AUTS2: variants seen among roughly 807,000 people sequenced by gnomAD.
AUTS2 encodes activator of transcription and developmental regulator AUTS2.
In AUTS2, 17 loss-of-function variants were observed where a neutral mutation model predicts 112.4. That is an observed-to-expected ratio of 0.15 (90% confidence interval 0.10 to 0.23). AUTS2 has a LOEUF of 0.23. Among genes scored for constraint, AUTS2 ranks in the 10% least tolerant of loss-of-function variants. The pLI, the probability that AUTS2 is intolerant of heterozygous loss-of-function variation, is 1.00. For synonymous variants in AUTS2, 751 were observed against 702.7 expected (o/e 1.07, Z -1.09); for missense variants, 1,510 against 1,701.6 (o/e 0.89, Z 1.98).
At chr7:69,901,870 C>T (rs1194792070) in intron 2 of AUTS2, among the ~76,000 whole-genome samples, 1 of 152,176 alleles carries the variant, frequency 6.6e-6, no homozygotes, top group Non-Finnish European at 1.5e-5. Flanking sequence ...CATCTGGTAA[C>T]AGCCCATCTG....
chr7:69,609,694 A>G (rs546202932), intron 1 of AUTS2, among the ~76,000 whole-genome samples: 3 of 152,350 alleles, frequency 2.0e-5, no homozygotes, highest in South Asian at 2.1e-4. Context: ...ACTTTGGAGT[A>G]TAGTGGAGTT....
At chr7:70,351,655 T>C (rs576191284) in intron 4 of AUTS2, among the ~76,000 whole-genome samples, 51 of 152,312 alleles carry the variant, frequency 3.3e-4, no homozygotes, top group Non-Finnish European at 5.7e-4. Flanking sequence ...AAGTACCTTT[T>C]TCTCCACAAC....
intron 2 of AUTS2, among the ~76,000 whole-genome samples, chr7:70,117,388 A>T (rs1805439052): frequency 6.6e-6 from 1 of 151,926 alleles, no homozygotes; most frequent in Non-Finnish European, 1.5e-5. Flanking sequence ...AGAAAACTTT[A>T]TTTTATTTTG....
intron 1 of AUTS2, among the ~76,000 whole-genome samples, chr7:69,840,697 G>C (rs1302673624): frequency 6.6e-6 from 1 of 152,144 alleles, no homozygotes; most frequent in Non-Finnish European, 1.5e-5. Flanking sequence ...GAGACAGACA[G>C]ACACTCTGGG....
chr7:70,588,159 A>C (rs1802769907), intron 5 of AUTS2, among the ~76,000 whole-genome samples: 1 of 152,242 alleles, frequency 6.6e-6, no homozygotes, highest in Non-Finnish European at 1.5e-5. Context: ...TAGTGAGCAC[A>C]TCAGAAATCT....
At chr7:69,943,307 A>G (rs1050698337) in intron 2 of AUTS2, among the ~76,000 whole-genome samples, 1 of 152,200 alleles carries the variant, frequency 6.6e-6, no homozygotes, top group African/African-American at 2.4e-5. Flanking sequence ...TATGTTTCCT[A>G]TAAATATTAG....
chr7:70,764,027 G>A (rs568353730), intron 7 of AUTS2, among the ~76,000 whole-genome samples: 23 of 152,276 alleles, frequency 1.5e-4, no homozygotes, highest in Admixed American at 2.6e-4. Flanking sequence ...AGTGTGCAGC[G>A]CCAAGTAGAG....
chr7:70,678,781 G>T (rs997946115), intron 5 of AUTS2, among the ~76,000 whole-genome samples: 1 of 152,182 alleles, frequency 6.6e-6, no homozygotes, highest in Non-Finnish European at 1.5e-5. Flanking sequence ...TGACCACGAA[G>T]CTCAGAGCAA....
chr7:70,471,150 G>C (rs1378265125), intron 5 of AUTS2, among the ~76,000 whole-genome samples: 1 of 152,186 alleles, frequency 6.6e-6, no homozygotes, highest in Non-Finnish European at 1.5e-5. Flanking sequence ...CTTGAAGAAA[G>C]AGGTTCCAAT....
chr7:70,350,879 C>T (rs1198894876), intron 4 of AUTS2, among the ~76,000 whole-genome samples: 1 of 152,092 alleles, frequency 6.6e-6, no homozygotes, highest in Non-Finnish European at 1.5e-5. Flanking sequence ...TTTCCTCCTC[C>T]TCCCTACCCC....
In AUTS2 at chr7:70,738,595, C is replaced by A. The variant is rs191427166; in HGVS notation, c.743-24275C>A. On this transcript the variant is annotated intron_variant, in intron 6 of 18. Coordinates refer to ENST00000342771, the MANE Select transcript of AUTS2 (RefSeq NM_015570.4). ...GTCAGTCCCTCTGCAGAAGCAGAGG[C>A]TGTGAGCTCCACTGTGAGCTGCCAA... Among the ~76,000 whole-genome samples, 9 of 152,198 alleles carry A rather than the reference C, an allele frequency of 5.9e-5. No individual in the cohort carries two copies. The East Asian group carries it at 1.7e-3, about 30-fold the overall frequency.
intron 4 of AUTS2, among the ~76,000 whole-genome samples, chr7:70,147,892 A>G (rs1465725349): frequency 6.6e-6 from 1 of 151,806 alleles, no homozygotes; most frequent in Non-Finnish European, 1.5e-5. Context: ...TGTCACCGGC[A>G]GTACCTGTAA....
Position 69,899,568 on chromosome 7 carries a change from G to A in AUTS2, c.522+70G>A. The A allele has an allele frequency of 2.7e-6, 4 of 1,463,512 alleles. No homozygotes were observed. The South Asian group carries it at 4.7e-5, about 17-fold the overall frequency. The allele number at this position is 1,463,512 out of a possible 1,614,324, so 90.7% of individuals were successfully genotyped here. On this transcript the variant is annotated intron_variant, in intron 2 of 18. Coordinates refer to ENST00000342771, the MANE Select transcript of AUTS2 (RefSeq NM_015570.4). ...TTCCTTAGGTGCTTCCTCCACTGTGGTTTTTCGTAACAGGTGGAGAAGATA... is the reference window on the plus strand; with the variant it reads ...TTCCTTAGGTGCTTCCTCCACTGTGATTTTTCGTAACAGGTGGAGAAGATA...
At chr7:70,592,000 G>A (rs1321604642) in intron 5 of AUTS2, among the ~76,000 whole-genome samples, 1 of 152,092 alleles carries the variant, frequency 6.6e-6, no homozygotes, top group Non-Finnish European at 1.5e-5. Context: ...AACAAAAAAT[G>A]TTGCTGGTTA....
At chr7:70,123,405 C>T (rs898928966) in intron 3 of AUTS2, among the ~76,000 whole-genome samples, 11 of 151,726 alleles carry the variant, frequency 7.2e-5, no homozygotes, top group Non-Finnish European at 1.5e-4. Context: ...GTTTCATCAC[C>T]CAGTAGTACC....
In AUTS2 at chr7:70,790,443, G is replaced by C; in HGVS notation, c.3227G>C (p.Arg1076Thr). The C allele has an allele frequency of 6.2e-7, 1 of 1,612,498 alleles. No individual in the cohort carries two copies. The highest frequency in any genetic ancestry group is 8.5e-7 in the Non-Finnish European group (1 of 1,179,280). The change falls in exon 19 of 19, where the codon AGG (arginine) becomes ACG (threonine). Residue 1076 changes from arginine to threonine, a missense_variant. Physicochemically the swap from Arg to Thr is moderately conservative, Grantham distance 71 (BLOSUM62 -1). Coordinates refer to ENST00000342771, the MANE Select transcript of AUTS2 (RefSeq NM_015570.4). The surrounding 1 kb of genome is among the most constrained non-coding windows in gnomAD (Gnocchi z 7.6). ...TGGGACCCCATCCGGGACCCCTTGA[G>C]GGATCCTTACCGAGAACTTGACATT... Reference protein sequence around the residue: ...FHWDPIRDPLRDPYRELDIHR... With the variant: ...FHWDPIRDPLTDPYRELDIHR...
chr7:70,545,440 A>T (rs972128410), intron 5 of AUTS2, among the ~76,000 whole-genome samples: 2 of 152,210 alleles, frequency 1.3e-5, no homozygotes, highest in Non-Finnish European at 2.9e-5. Context: ...TCACCCATAT[A>T]AAGTGAATAC....
intron 1 of AUTS2, among the ~76,000 whole-genome samples, chr7:69,698,455 A>G (rs1254961384): frequency 2.6e-5 from 4 of 152,156 alleles, no homozygotes; most frequent in Admixed American, 2.0e-4. Context: ...GGGTTTTTAA[A>G]AAGTACTTAC....
chr7:69,667,946 G>C (rs1184248307), intron 1 of AUTS2, among the ~76,000 whole-genome samples: 1 of 152,156 alleles, frequency 6.6e-6, no homozygotes, highest in East Asian at 1.9e-4. Context: ...TTGTTTTTCT[G>C]ATGCAACAAG....
Sources: allele counts gnomAD v4.1 joint callset (sites outside exome capture counted in the v4.1 genomes callset), GRCh38; gene constraint gnomAD v4.1.1; non-coding constraint Gnocchi (gnomAD v3.1); transcripts MANE v1.5; gene names NCBI Gene and HGNC (gene_info 2026-07-23, HGNC 2026-07-21).